The following RTL10 variants were observed in gnomAD, a reference collection of about 807,000 sequenced individuals.
The protein encoded by RTL10 is protein Bop.
For missense variants in RTL10, 477 were observed against 470.7 expected (o/e 1.01, Z -0.12); for synonymous variants, 199 against 188.4 (o/e 1.06, Z -0.46).
At chr22:19,853,003 C>T (rs1474813956) in intron 2 of RTL10, among the ~76,000 whole-genome samples, 2 of 152,158 alleles carry the variant, frequency 1.3e-5, no homozygotes, top group Non-Finnish European at 2.9e-5. Context: ...ACGCACAGAC[C>T]GCGTCGTCAT....
In RTL10 at chr22:19,851,187, G is replaced by A. The variant is rs1938085600; in HGVS notation, c.1075C>T (p.Pro359Ser). 5 of 1,590,810 alleles carry A rather than the reference G, an allele frequency of 3.1e-6. No homozygotes were observed. Among genetic ancestry groups the A allele is most frequent in the Non-Finnish European group, 4.3e-6 (5 of 1,167,874 alleles). The change falls in exon 3 of 3, where the codon CCA becomes TCA. Residue 359 changes from proline (P) to serine (S), a missense_variant. Pro to Ser is a moderately conservative substitution (Grantham distance 74). Transcript: ENST00000328554. ...TGTGTTCAGAACCCAGGAGAAAGTG[G>A]TGGCTCTCCTGGGGTCTCCGGGGCC... ...VEAPETPGEP[P>S]LSPGF is the part of the protein sequence containing the mutation.
At position 19,849,310 on chromosome 22, in the gene RTL10, T is replaced by G; in HGVS notation, c.*1857A>C. On this transcript the variant is annotated 3_prime_UTR_variant, in exon 3 of 3. Coordinates refer to ENST00000328554, the MANE Select transcript of RTL10 (RefSeq NM_024627.6). The stretch of plus-strand genomic sequence containing the variant: ...CTGAACCCAGAGCCTTTTCTAGTGA[T>G]AGTTACCATAAAATAATCCCAACAA... The G allele has an allele frequency of 1.0e-6, 1 of 978,910 alleles. No homozygotes were observed. Among genetic ancestry groups the G allele is most frequent in the Non-Finnish European group, 1.2e-6 (1 of 824,280 alleles). 60.6% of individuals were successfully genotyped at this position (978,910 alleles called of 1,614,324 possible).
chr22:19,846,966 T>A lies in RTL10; in HGVS notation c.*4201A>T. Reference sequence around the variant, plus strand: ...GCAGGCCCCTCCCATCCTCCCATCCTCAGCAGCACCAACCAGCCCCACGCT... The same window carrying A: ...GCAGGCCCCTCCCATCCTCCCATCCACAGCAGCACCAACCAGCCCCACGCT... On this transcript the variant is annotated 3_prime_UTR_variant, in exon 3 of 3. Coordinates refer to ENST00000328554, the MANE Select transcript of RTL10 (RefSeq NM_024627.6). 2.0e-6 allele frequency: 2 copies of A among 985,500 alleles called. No individual in the cohort carries two copies. The highest frequency in any genetic ancestry group is 2.4e-6 in the Non-Finnish European group (2 of 829,962). 61.0% of individuals were successfully genotyped at this position (985,500 alleles called of 1,614,324 possible).
chr22:19,851,948 C>T lies in RTL10; in HGVS notation c.314G>A (p.Gly105Asp). The T allele has an allele frequency of 1.9e-6, 3 of 1,614,074 alleles. No homozygotes were observed. The highest frequency in any genetic ancestry group is 1.3e-5 in the African/African-American group (1 of 75,060). ...TAGCCACGGGGAGCCATCAAAGGTG[C>T]CTGGGTCTGAGCCTGGTACCCAGCA... ...DFCWVPGSDP[G>D]TFDGSPWLLD... Residue 105 changes from glycine to aspartate, a missense_variant, in exon 3 of 3, where the codon GGC (glycine) becomes GAC (aspartate). Physicochemically the swap from Gly to Asp is moderately conservative, Grantham distance 94 (BLOSUM62 -1). Coordinates refer to ENST00000328554, the MANE Select transcript of RTL10 (RefSeq NM_024627.6).
Position 19,849,063 on chromosome 22 carries a change from C to T in RTL10, c.*2104G>A, listed in dbSNP as rs1569057004. On this transcript the variant is annotated 3_prime_UTR_variant, in exon 3 of 3. Coordinates refer to ENST00000328554, the MANE Select transcript of RTL10 (RefSeq NM_024627.6). Reference sequence around the variant, plus strand: ...GCCTGAGTCATCGGACGGAGGGCAGCTGTGACCTGGCACAGAAGCATGGGG... The same window carrying T: ...GCCTGAGTCATCGGACGGAGGGCAGTTGTGACCTGGCACAGAAGCATGGGG... The T allele has an allele frequency of 1.0e-6, 1 of 985,472 alleles. No individual in the cohort carries two copies. Among genetic ancestry groups the T allele is most frequent in the East Asian group, 1.1e-4 (1 of 8,818 alleles). The allele number at this position is 985,472 out of a possible 1,614,324, so 61.0% of individuals were successfully genotyped here. A position where few individuals can be genotyped will look rare whatever the true frequency, so the allele number is the denominator to read the frequency against.
In RTL10 at chr22:19,847,454, C is replaced by G. The variant is rs1937986919; in HGVS notation, c.*3713G>C. On this transcript the variant is annotated 3_prime_UTR_variant, in exon 3 of 3. Coordinates refer to ENST00000328554, the MANE Select transcript of RTL10 (RefSeq NM_024627.6). ...TAGAGGGCCCAGACCCCAGCCAAGGCACTGCATGGGCATCATTCTCATTCA... is the reference window on the plus strand; with the variant it reads ...TAGAGGGCCCAGACCCCAGCCAAGGGACTGCATGGGCATCATTCTCATTCA... 16 of 985,332 alleles carry G rather than the reference C, an allele frequency of 1.6e-5. No homozygotes were observed. Among genetic ancestry groups the G allele is most frequent in the African/African-American group, 1.7e-5 (1 of 57,224 alleles). The allele number at this position is 985,332 out of a possible 1,614,324, so 61.0% of individuals were successfully genotyped here. A position where few individuals can be genotyped will look rare whatever the true frequency, so the allele number is the denominator to read the frequency against.
In RTL10 at chr22:19,852,273, A is replaced by G; in HGVS notation, c.-12T>C. 2 of 1,589,428 alleles carry G rather than the reference A, an allele frequency of 1.3e-6. No individual in the cohort carries two copies. Among genetic ancestry groups the G allele is most frequent in the East Asian group, 4.5e-5 (2 of 44,696 alleles). ...CGGCCACGAGGCATGCTGGGAGCAC[A>G]GGGGAGAAGAGAGGAGAGCCAGCAC... On this transcript the variant is annotated 5_prime_UTR_variant, in exon 3 of 3. Coordinates refer to ENST00000328554, the MANE Select transcript of RTL10 (RefSeq NM_024627.6).
rs1938027370 is a variant in RTL10, at chr22:19,848,870, T to G, written c.*2297A>C. ...CTAAAGGGAGATGGGGAAGGTGGCCTGTCCAGAAGCCTGTGGGACAGGGTA... is the reference window on the plus strand; with the variant it reads ...CTAAAGGGAGATGGGGAAGGTGGCCGGTCCAGAAGCCTGTGGGACAGGGTA... On this transcript the variant is annotated 3_prime_UTR_variant, in exon 3 of 3. Coordinates refer to ENST00000328554, the MANE Select transcript of RTL10 (RefSeq NM_024627.6). 1 of 985,348 alleles carries G rather than the reference T, an allele frequency of 1.0e-6. No individual in the cohort carries two copies. Among genetic ancestry groups the G allele is most frequent in the Admixed American group, 6.1e-5 (1 of 16,266 alleles). The allele number at this position is 985,348 out of a possible 1,614,324, so 61.0% of individuals were successfully genotyped here. A position where few individuals can be genotyped will look rare whatever the true frequency, so the allele number is the denominator to read the frequency against.
Position 19,849,352 on chromosome 22 carries a change from T to C in RTL10, c.*1815A>G, listed in dbSNP as rs894669873. The C allele has an allele frequency of 2.1e-5, 20 of 952,004 alleles. No individual in the cohort carries two copies. In the African/African-American group the frequency reaches 3.4e-4, roughly 16 times the overall value. The allele number at this position is 952,004 out of a possible 1,614,324, so 59.0% of individuals were successfully genotyped here. ...TCCCAACAATTTATATTTTTCTAAA[T>C]AAGGTTTTTGTTTTTTGTTGTTTTT... On this transcript the variant is annotated 3_prime_UTR_variant, in exon 3 of 3. Coordinates refer to ENST00000328554, the MANE Select transcript of RTL10 (RefSeq NM_024627.6).
Position 19,852,426 on chromosome 22 carries a change from G to A in RTL10, c.-165C>T. The A allele has an allele frequency of 1.4e-6, 1 of 695,914 alleles. No homozygotes were observed. Among genetic ancestry groups the A allele is most frequent in the Non-Finnish European group, 2.4e-6 (1 of 411,880 alleles). 43.1% of individuals were successfully genotyped at this position (695,914 alleles called of 1,614,324 possible). ...GAGGATCAGGGAGCTGACAGCTGCA[G>A]CCTCAGGAGAGCTGAGAAGAGCTGA... On this transcript the variant is annotated 5_prime_UTR_variant, in exon 3 of 3. Coordinates refer to ENST00000328554, the MANE Select transcript of RTL10 (RefSeq NM_024627.6).
At position 19,849,747 on chromosome 22, in the gene RTL10, G is replaced by C; in HGVS notation, c.*1420C>G. Reference sequence around the variant, plus strand: ...GGCTGTATTTCCAATTCACATTTCTGCTTTTTCTTCCTACTTTCCAGGAAG... The same window carrying C: ...GGCTGTATTTCCAATTCACATTTCTCCTTTTTCTTCCTACTTTCCAGGAAG... On this transcript the variant is annotated 3_prime_UTR_variant, in exon 3 of 3. Coordinates refer to ENST00000328554, the MANE Select transcript of RTL10 (RefSeq NM_024627.6). 3.0e-6 allele frequency: 3 copies of C among 985,326 alleles called. No individual in the cohort carries two copies. The highest frequency in any genetic ancestry group is 3.6e-6 in the Non-Finnish European group (3 of 829,886). The allele number at this position is 985,326 out of a possible 1,614,324, so 61.0% of individuals were successfully genotyped here.
At position 19,846,624 on chromosome 22, in the gene RTL10, C is replaced by T. The variant is rs1170539263; in HGVS notation, c.*4543G>A. On this transcript the variant is annotated 3_prime_UTR_variant, in exon 3 of 3. Coordinates refer to ENST00000328554, the MANE Select transcript of RTL10 (RefSeq NM_024627.6). ...TATTTTTATGTTCAAGTCCTAACCC[C>T]TAGTACTTACATTTGAAGACAGGGT... The T allele has an allele frequency of 1.4e-5, 12 of 881,208 alleles. No individual in the cohort carries two copies. The highest frequency in any genetic ancestry group is 1.6e-5 in the Non-Finnish European group (12 of 734,766). The allele number at this position is 881,208 out of a possible 1,614,324, so 54.6% of individuals were successfully genotyped here.
chr22:19,847,808 A>C lies in RTL10; in HGVS notation c.*3359T>G, dbSNP rs1937999955. 1 of 835,838 alleles carries C rather than the reference A, an allele frequency of 1.2e-6. No homozygotes were observed. Among genetic ancestry groups the C allele is most frequent in the Non-Finnish European group, 1.4e-6 (1 of 702,404 alleles). 51.8% of individuals were successfully genotyped at this position (835,838 alleles called of 1,614,324 possible). ...TTAAAATCCTGGAATCATAGGCAAA[A>C]AAAAAAAAAAAAAAAAATTCACCCA... On this transcript the variant is annotated 3_prime_UTR_variant, in exon 3 of 3. Transcript: ENST00000328554.
rs1299346016 is a variant in RTL10 at position 19,854,836 on chromosome 22, G to A, written c.-499C>T. Reference sequence around the variant, plus strand: ...CACACTGACCCTCTTGCCGGAGTCGGGAACGCCTGCTCCTAGGAGCGCCGC... The same window carrying A: ...CACACTGACCCTCTTGCCGGAGTCGAGAACGCCTGCTCCTAGGAGCGCCGC... On this transcript the variant is annotated 5_prime_UTR_variant, in exon 1 of 3. Transcript: ENST00000328554. 1 of 152,284 alleles carries A rather than the reference G, an allele frequency of 6.6e-6. No homozygotes were observed. The highest frequency in any genetic ancestry group is 6.5e-5 in the Admixed American group (1 of 15,288). The allele number at this position is 152,284 out of a possible 1,614,324, so 9.4% of individuals were successfully genotyped here.
rs556805837 is a variant in RTL10, at chr22:19,849,897, G to A, written c.*1270C>T. The A allele has an allele frequency of 2.7e-5, 27 of 985,464 alleles. No individual in the cohort carries two copies. In the African/African-American group the frequency reaches 4.5e-4, roughly 17 times the overall value. 61.0% of individuals were successfully genotyped at this position (985,464 alleles called of 1,614,324 possible). A position where few individuals can be genotyped will look rare whatever the true frequency, so the allele number is the denominator to read the frequency against. On this transcript the variant is annotated 3_prime_UTR_variant, in exon 3 of 3. Transcript: ENST00000328554. ...ACCTGCCTATCCTGTGGTAAACTTG[G>A]CTCCAGGAGCTTCCAAGCTCAGCTT...
rs1938032063 is a variant in RTL10, at chr22:19,849,059, G to A, written c.*2108C>T. 15 of 985,482 alleles carry A rather than the reference G, an allele frequency of 1.5e-5. No individual in the cohort carries two copies. Among genetic ancestry groups the A allele is most frequent in the South Asian group, 4.7e-5 (1 of 21,284 alleles). The allele number at this position is 985,482 out of a possible 1,614,324, so 61.0% of individuals were successfully genotyped here. ...TGGGGCCTGAGTCATCGGACGGAGGGCAGCTGTGACCTGGCACAGAAGCAT... is the reference window on the plus strand; with the variant it reads ...TGGGGCCTGAGTCATCGGACGGAGGACAGCTGTGACCTGGCACAGAAGCAT... On this transcript the variant is annotated 3_prime_UTR_variant, in exon 3 of 3. Transcript: ENST00000328554.
rs1351706345 is a variant in RTL10, at chr22:19,854,826, G to A, written c.-489C>T. On this transcript the variant is annotated 5_prime_UTR_variant, in exon 1 of 3. Coordinates refer to ENST00000328554, the MANE Select transcript of RTL10 (RefSeq NM_024627.6). ...CTCCCGCCTCCACACTGACCCTCTT[G>A]CCGGAGTCGGGAACGCCTGCTCCTA... is the stretch of plus-strand genomic sequence containing the variant. The A allele has an allele frequency of 6.6e-6, 1 of 152,302 alleles. No individual in the cohort carries two copies. Among genetic ancestry groups the A allele is most frequent in the African/African-American group, 2.4e-5 (1 of 41,466 alleles). The allele number at this position is 152,302 out of a possible 1,614,324, so 9.4% of individuals were successfully genotyped here.
intron 2 of RTL10, among the ~76,000 whole-genome samples, chr22:19,853,382 G>A (rs1038037081): frequency 6.6e-6 from 1 of 152,108 alleles, no homozygotes; most frequent in African/African-American, 2.4e-5. Context: ...CCAGTAGCCA[G>A]TTCTATTCCA....
At position 19,848,864 on chromosome 22, in the gene RTL10, G is replaced by C. The variant is rs760581371; in HGVS notation, c.*2303C>G. The C allele has an allele frequency of 1.2e-5, 12 of 985,320 alleles. No individual in the cohort carries two copies. The highest frequency in any genetic ancestry group is 1.4e-5 in the Non-Finnish European group (12 of 829,964). 61.0% of individuals were successfully genotyped at this position (985,320 alleles called of 1,614,324 possible). On this transcript the variant is annotated 3_prime_UTR_variant, in exon 3 of 3. Coordinates refer to ENST00000328554, the MANE Select transcript of RTL10 (RefSeq NM_024627.6). ...GGTCCACTAAAGGGAGATGGGGAAG[G>C]TGGCCTGTCCAGAAGCCTGTGGGAC...
Sources: allele counts gnomAD v4.1 joint callset (sites outside exome capture counted in the v4.1 genomes callset), GRCh38; gene constraint gnomAD v4.1.1; transcripts MANE v1.5; gene names NCBI Gene and HGNC (gene_info 2026-07-23, HGNC 2026-07-21).